RBFOX1: variants seen among roughly 807,000 people sequenced by gnomAD.
RBFOX1 encodes the protein RNA binding fox-1 homolog 1, also known as RNA binding protein fox-1 homolog 1.
A neutral mutation model predicts 57.7 loss-of-function variants in RBFOX1; 8 were observed. That is an observed-to-expected ratio of 0.14 (90% CI 0.08 to 0.25). The LOEUF is 0.25. RBFOX1 is among the 10% of genes least tolerant of loss of function. The pLI is 1.00. For missense variants in RBFOX1, 611 were observed against 548.5 expected (o/e 1.11, Z -1.14); for synonymous variants, 326 against 222.4 (o/e 1.47, Z -4.15).
chr16:6,271,301 G>A (rs1327003599), intron 1 of RBFOX1, among the ~76,000 whole-genome samples: 6 of 152,138 alleles, frequency 3.9e-5, no homozygotes, highest in African/African-American at 1.4e-4. Context: ...GCACATGTGT[G>A]TAGTCCCAGC....
At chr16:6,440,891 G>T (rs544605889) in intron 2 of RBFOX1, among the ~76,000 whole-genome samples, 2 of 152,152 alleles carry the variant, frequency 1.3e-5, no homozygotes, top group Admixed American at 1.3e-4. Context: ...CAGTATGGAT[G>T]AGCTGGGAGA....
chr16:7,145,765 T>C (rs865994081), intron 4 of RBFOX1, among the ~76,000 whole-genome samples: 6 of 152,214 alleles, frequency 3.9e-5, no homozygotes, highest in East Asian at 1.9e-4. Flanking sequence ...TAGGGAGATA[T>C]AAAAATCATG....
intron 4 of RBFOX1, among the ~76,000 whole-genome samples, chr16:7,346,910 G>A (rs117561940): frequency 0.02 from 3,013 of 152,224 alleles, 43 homozygotes; most frequent in Non-Finnish European, 0.028. Flanking sequence ...CAAAAAAAAC[G>A]AGAGGGGCAG....
intron 2 of RBFOX1, among the ~76,000 whole-genome samples, chr16:6,411,297 A>T (rs1359526867): frequency 1.3e-5 from 2 of 152,220 alleles, no homozygotes; most frequent in African/African-American, 2.4e-5. Context: ...TTATCTAGAT[A>T]ACCATAGGTC....
rs74670776 is a variant in RBFOX1, at chr16:6,034,017, C to T, written c.-127+14025C>T. 6.2e-3 allele frequency among the ~76,000 whole-genome samples: 949 copies of T among 152,162 alleles called. 11 individuals carry two copies. The highest frequency in any genetic ancestry group is 0.022 in the African/African-American group (902 of 41,524). On this transcript the variant is annotated intron_variant, in intron 1 of 15. Coordinates refer to ENST00000550418, the MANE Select transcript of RBFOX1 (RefSeq NM_018723.4). ...CTAGTTCTGCTGCTATAACAAAATG[C>T]TTATCCAGGGTGATTTAGAAAGAAT...
chr16:7,150,724 C>T (rs1033731604), intron 4 of RBFOX1, among the ~76,000 whole-genome samples: 1 of 152,192 alleles, frequency 6.6e-6, no homozygotes, highest in African/African-American at 2.4e-5. Context: ...CAGCTGTTAA[C>T]TTTTTGCTTC....
intron 3 of RBFOX1, among the ~76,000 whole-genome samples, chr16:5,788,814 C>G (rs2054596591): frequency 6.6e-6 from 1 of 152,010 alleles, no homozygotes; most frequent in Admixed American, 6.6e-5. Flanking sequence ...ACCCACCTCC[C>G]AAGTTATTAG....
intron 4 of RBFOX1, among the ~76,000 whole-genome samples, chr16:7,141,513 C>G (rs1379779969): frequency 1.3e-5 from 2 of 152,104 alleles, no homozygotes; most frequent in Non-Finnish European, 2.9e-5. Flanking sequence ...TGGAGTTTTG[C>G]TAGAGTGCAT....
intron 3 of RBFOX1, among the ~76,000 whole-genome samples, chr16:6,734,345 T>C (rs1258666585): frequency 6.6e-6 from 1 of 152,202 alleles, no homozygotes; most frequent in Admixed American, 6.5e-5. Context: ...GGGCTCAGTT[T>C]TGAATTCACA....
intron 3 of RBFOX1, among the ~76,000 whole-genome samples, chr16:5,797,296 C>A (rs1239555070): frequency 6.6e-6 from 1 of 152,212 alleles, no homozygotes; most frequent in African/African-American, 2.4e-5. Context: ...TTCAGGACAT[C>A]TTTGGGGTAG....
chr16:5,552,921 A>G (rs1308494384), intron 2 of RBFOX1, among the ~76,000 whole-genome samples: 1 of 152,180 alleles, frequency 6.6e-6, no homozygotes, highest in Non-Finnish European at 1.5e-5. Flanking sequence ...GCAAGAATTC[A>G]AAAGGCAAGG....
chr16:5,328,673 C>A (rs989140173), intron 1 of RBFOX1, among the ~76,000 whole-genome samples: 1 of 152,218 alleles, frequency 6.6e-6, no homozygotes, highest in African/African-American at 2.4e-5. Flanking sequence ...CCCTGCCATA[C>A]CCTTTTTGGT....
chr16:6,325,626 T>C (rs921909810), intron 2 of RBFOX1, among the ~76,000 whole-genome samples: 6 of 152,186 alleles, frequency 3.9e-5, no homozygotes, highest in Non-Finnish European at 7.3e-5. Context: ...TTCCTACTGG[T>C]GGTTCCTGTA....
intron 4 of RBFOX1, among the ~76,000 whole-genome samples, chr16:7,318,230 A>G (rs969585843): frequency 1.3e-5 from 2 of 151,366 alleles, no homozygotes; most frequent in African/African-American, 4.9e-5. Context: ...TGGCCATGGT[A>G]ATGGAGTTGG....
At chr16:6,726,722 C>T (rs2067272931) in intron 3 of RBFOX1, among the ~76,000 whole-genome samples, 1 of 152,140 alleles carries the variant, frequency 6.6e-6, no homozygotes, top group Non-Finnish European at 1.5e-5. Context: ...TCTCTTCCTT[C>T]TGCTGTGGCT....
intron 2 of RBFOX1, among the ~76,000 whole-genome samples, chr16:5,535,810 C>G (rs1006269734): frequency 2.0e-5 from 3 of 152,230 alleles, no homozygotes; most frequent in Non-Finnish European, 4.4e-5. Flanking sequence ...GGTTTCACCA[C>G]ATTCGACAAA....
intron 3 of RBFOX1, among the ~76,000 whole-genome samples, chr16:5,717,931 G>C (rs1352927938): frequency 6.6e-6 from 1 of 152,176 alleles, no homozygotes; most frequent in Non-Finnish European, 1.5e-5. Context: ...ATCTCTTTCT[G>C]TGGTCAGTTG....
chr16:7,104,120 C>T (rs904593053), intron 4 of RBFOX1, among the ~76,000 whole-genome samples: 2 of 152,110 alleles, frequency 1.3e-5, no homozygotes, highest in Non-Finnish European at 2.9e-5. Context: ...AAATATGTAC[C>T]TATCTGTATC....
chr16:6,274,102 C>CA (rs1215876433), intron 1 of RBFOX1, among the ~76,000 whole-genome samples: 1 of 152,168 alleles, frequency 6.6e-6, no homozygotes, highest in Non-Finnish European at 1.5e-5. Flanking sequence ...GAGAGGATGT[C>CA]AAATGATACA....
Sources: allele counts gnomAD v4.1 joint callset (sites outside exome capture counted in the v4.1 genomes callset), GRCh38; gene constraint gnomAD v4.1.1; transcripts MANE v1.5; gene names NCBI Gene and HGNC (gene_info 2026-07-23, HGNC 2026-07-21).